The following GLRA2 variants were observed in gnomAD, a reference collection of about 807,000 sequenced individuals.
The protein encoded by GLRA2 is glycine receptor subunit alpha-2.
GLRA2 carries 11 observed loss-of-function variants against 31.6 expected under a neutral mutation model. The observed-to-expected ratio is 0.35, with a 90% CI of 0.22 to 0.58. The LOEUF (loss-of-function observed/expected upper bound fraction) is 0.58. Among genes scored for constraint, GLRA2 ranks in the 20% least tolerant of loss-of-function variants. GLRA2 has a pLI of 0.84. For missense variants in GLRA2, 212 were observed against 351.8 expected (o/e 0.60, Z 3.18); for synonymous variants, 132 against 134.0 (o/e 0.99, Z 0.10).
chrX:14,573,447 A>G (rs897428889), intron 2 of GLRA2, among the ~76,000 whole-genome samples: 7 of 111,962 alleles, frequency 6.3e-5, no homozygotes, highest in African/African-American at 2.3e-4. Flanking sequence ...ACACATTTCT[A>G]CAGGAGAAGG....
At chrX:14,490,848 A>G in the GLRA2 span, among the ~76,000 whole-genome samples, 1 of 111,936 alleles carries the variant, frequency 8.9e-6, no homozygotes, top group East Asian at 2.8e-4. Flanking sequence ...GACATTTTAT[A>G]AGGCTATCTT....
intron 8 of GLRA2, among the ~76,000 whole-genome samples, chrX:14,723,750 CA>C (rs2091893886): frequency 8.9e-6 from 1 of 111,896 alleles, no homozygotes; most frequent in Non-Finnish European, 1.9e-5. Flanking sequence ...TAATGCCTCT[CA>C]TTTTTTAAAT....
intron 2 of GLRA2, among the ~76,000 whole-genome samples, chrX:14,554,980 T>G (rs971526063): frequency 5.4e-5 from 6 of 112,009 alleles, no homozygotes; most frequent in African/African-American, 1.9e-4. Context: ...AATGTATAGT[T>G]TTTTACTGAA....
intron 7 of GLRA2, among the ~76,000 whole-genome samples, chrX:14,648,263 TTAAA>T (rs1038390940): frequency 8.9e-6 from 1 of 111,925 alleles, no homozygotes; most frequent in Non-Finnish European, 1.9e-5. Flanking sequence ...AAATGAACAT[TTAAA>T]TAAATAATCA....
intron 2 of GLRA2, 73 bp from the exon 3 acceptor site, chrX:14,574,260 C>T (rs1245177108): frequency 4.5e-6 from 3 of 659,833 alleles, no homozygotes; most frequent in African/African-American, 2.2e-5. Flanking sequence ...AATCTCTAGC[C>T]AATTGCACAG....
rs775898345 is a variant in GLRA2 at position 14,645,244 on chromosome X, AT to A, written c.930+36042del. The stretch of plus-strand genomic sequence containing the variant: ...GATGATTGTAGGGTGGAGGGTATAT[AT>A]TTCCTTGATTTGAGCCACAAACCCT... On this transcript the variant is annotated intron_variant, in intron 7 of 8. Coordinates refer to ENST00000218075, the MANE Select transcript of GLRA2 (RefSeq NM_002063.4). 9.8e-4 allele frequency among the ~76,000 whole-genome samples: 109 copies of A among 111,675 alleles called. 2 individuals are homozygous for A. Among genetic ancestry groups the A allele is most frequent in the African/African-American group, 3.3e-3 (100 of 30,750 alleles).
the GLRA2 span, among the ~76,000 whole-genome samples, chrX:14,473,989 T>C: frequency 7.2e-5 from 8 of 111,468 alleles, no homozygotes; most frequent in Non-Finnish European, 1.1e-4. Flanking sequence ...TTTACAGGGA[T>C]CCAGATTGAT....
At chrX:14,462,391 C>T in the GLRA2 span, among the ~76,000 whole-genome samples, 1 of 111,323 alleles carries the variant, frequency 9.0e-6, no homozygotes, top group Non-Finnish European at 1.9e-5. Context: ...TGAATGTTGG[C>T]CTGCCTTGCT....
intron 8 of GLRA2, among the ~76,000 whole-genome samples, chrX:14,701,092 AAC>A (rs1207803839): frequency 1.8e-5 from 2 of 110,887 alleles, no homozygotes; most frequent in Non-Finnish European, 3.8e-5. Context: ...TGACACAGGA[AAC>A]ACATTCATTT....
At chrX:14,646,596 T>A (rs1013045231) in intron 7 of GLRA2, among the ~76,000 whole-genome samples, 4 of 111,785 alleles carry the variant, frequency 3.6e-5, no homozygotes, top group African/African-American at 1.3e-4. Context: ...AAATAACTAA[T>A]TTGAACCTTT....
intron 6 of GLRA2, among the ~76,000 whole-genome samples, 199 bp downstream of exon 6, chrX:14,607,467 G>A (rs2090348227): frequency 9.0e-6 from 1 of 111,057 alleles, no homozygotes; most frequent in Admixed American, 9.6e-5. Flanking sequence ...AAACACAAGA[G>A]GTAATTTCTC....
At chrX:14,701,363 A>C (rs1232163412) in intron 8 of GLRA2, among the ~76,000 whole-genome samples, 4 of 111,160 alleles carry the variant, frequency 3.6e-5, no homozygotes, top group Non-Finnish European at 7.5e-5. Context: ...GGACTGACTG[A>C]AATAAAAATG....
At chrX:14,655,937 G>T (rs1212160694) in intron 7 of GLRA2, among the ~76,000 whole-genome samples, 1 of 111,071 alleles carries the variant, frequency 9.0e-6, no homozygotes, top group East Asian at 2.8e-4. Context: ...TTCTAACCCA[G>T]GTCACTTACA....
chrX:14,682,754 A>G (rs7064877), intron 7 of GLRA2, among the ~76,000 whole-genome samples: 6,335 of 92,570 alleles, frequency 0.068, 271 homozygotes, highest in East Asian at 0.15. Context: ...CCTGTGTCCA[A>G]GTGTTCTCAT....
chrX:14,596,103 T>C (rs1461517448), intron 4 of GLRA2, among the ~76,000 whole-genome samples: 1 of 111,191 alleles, frequency 9.0e-6, no homozygotes, highest in Non-Finnish European at 1.9e-5. Context: ...ACCATGAGAT[T>C]TCCTAAAATT....
At chrX:14,481,238 T>C in the GLRA2 span, among the ~76,000 whole-genome samples, 1 of 111,752 alleles carries the variant, frequency 8.9e-6, no homozygotes, top group Non-Finnish European at 1.9e-5. Context: ...GAAATTTTAC[T>C]GAAGTCCTCA....
chrX:14,599,731 G>A (rs1390542871), intron 4 of GLRA2, among the ~76,000 whole-genome samples: 2 of 111,710 alleles, frequency 1.8e-5, no homozygotes, highest in Non-Finnish European at 1.9e-5. Flanking sequence ...GGTGAATACA[G>A]ATGTAAAAAG....
At chrX:14,634,420 A>G (rs1313463800) in intron 7 of GLRA2, among the ~76,000 whole-genome samples, 4 of 112,240 alleles carry the variant, frequency 3.6e-5, no homozygotes, top group African/African-American at 1.3e-4. Context: ...GGAAAATGTA[A>G]GGTCTTTGGA....
At chrX:14,725,424 G>A (rs1190867104) in intron 8 of GLRA2, among the ~76,000 whole-genome samples, 1 of 110,875 alleles carries the variant, frequency 9.0e-6, no homozygotes, top group Non-Finnish European at 1.9e-5. Context: ...AGTCCATTAT[G>A]TCCTTGCATT....
Sources: gnomAD v4.1 joint callset for allele counts (sites outside exome capture counted in the v4.1 genomes callset) on GRCh38, gnomAD v4.1.1 for gene constraint, MANE v1.5 for transcripts, NCBI Gene and HGNC (gene_info 2026-07-23, HGNC 2026-07-21) for gene names.